Variants in OVCH2 observed in about 807,000 individuals in gnomAD.
OVCH2 encodes the protein ovochymase 2, also known as ovochymase-2.
In OVCH2, 88 loss-of-function variants were observed where a neutral mutation model predicts 73.7. The ratio of observed to expected loss-of-function variants is 1.19; its 90% CI spans 1.01 to 1.43. The LOEUF (loss-of-function observed/expected upper bound fraction) is 1.43, where lower values mean the gene tolerates loss of function less well. Among genes scored for constraint, OVCH2 ranks in the 40% most tolerant of loss-of-function variants. The pLI is 0.00. For synonymous variants in OVCH2, 265 were observed against 234.5 expected (o/e 1.13, Z -1.19); for missense variants, 706 against 674.5 (o/e 1.05, Z -0.52).
rs899399113 is a variant in OVCH2 at position 7,703,614 on chromosome 11, A to G, written c.290+84T>C. ...CAATACTCACCTATCACACAGGTCC[A>G]TGTTTTAATAGGGTTATTGCTGATG... On this transcript the variant is annotated intron_variant, in intron 3 of 15. Coordinates refer to ENST00000533663, the MANE Select transcript of OVCH2 (RefSeq NM_198185.7). 14 of 1,088,252 alleles carry G rather than the reference A, an allele frequency of 1.3e-5. No individual in the cohort carries two copies. In the South Asian group the frequency reaches 1.3e-4, roughly 10 times the overall value. The allele number at this position is 1,088,252 out of a possible 1,614,324, so 67.4% of individuals were successfully genotyped here. A position where few individuals can be genotyped will look rare whatever the true frequency, so the allele number is the denominator to read the frequency against.
At chr11:7,703,653 A>C in intron 3 of OVCH2, 45 bp downstream of exon 3, 2 of 1,437,922 alleles carry the variant, frequency 1.4e-6, no homozygotes, top group Non-Finnish European at 1.9e-6. Flanking sequence ...CCAAGGGAGA[A>C]GAAATGGTGG....
chr11:7,684,884 A>C (rs193072436), downstream of OVCH2, among the ~76,000 whole-genome samples: 1 of 152,152 alleles, frequency 6.6e-6, no homozygotes, highest in Non-Finnish European at 1.5e-5. Context: ...TTAAGGGGGA[A>C]ATTCTGAGAA....
rs534068060 is a variant in OVCH2 at position 7,701,031 on chromosome 11, TG to T, written c.711+292del. Among the ~76,000 whole-genome samples, 257 of 152,268 alleles carry T rather than the reference TG, an allele frequency of 1.7e-3. 1 individual carries two copies. The highest frequency in any genetic ancestry group is 5.8e-3 in the African/African-American group (243 of 41,570). On this transcript the variant is annotated intron_variant, in intron 6 of 15. Transcript: ENST00000533663. Reference sequence around the variant, plus strand: ...CCCTTTATTTTGATGTAACCTCCCTTGGTACTCCTAACCCTTCTTTCCAGAT... The same window carrying T: ...CCCTTTATTTTGATGTAACCTCCCTTGTACTCCTAACCCTTCTTTCCAGAT...
chr11:7,702,253 TG>T lies in OVCH2; in HGVS notation c.366del (p.Thr123LeufsTer24). ...LSQTDPGEQT[L>X]TIETVIIHPH... ...GGATGTATGATGACAGTTTCAATAG[TG>T]AGAGTTTGCTCTCCTGGGTCTGTCT... On this transcript the variant is annotated frameshift_variant, in exon 4 of 16. Transcript: ENST00000533663. LOFTEE classifies it high-confidence loss of function. The T allele has an allele frequency of 6.2e-7, 1 of 1,612,856 alleles. No homozygotes were observed.
In OVCH2 at chr11:7,689,877, C is replaced by T. The variant is rs1178733164; in HGVS notation, c.*31+47G>A. ...ATATCACCTGCTTCTCCGGTTGAACCCTGGATTATACTCTGTGTGTATCAA... is the reference window on the plus strand; with the variant it reads ...ATATCACCTGCTTCTCCGGTTGAACTCTGGATTATACTCTGTGTGTATCAA... On this transcript the variant is annotated intron_variant, in intron 15 of 15. Transcript: ENST00000533663. 5 of 1,172,160 alleles carry T rather than the reference C, an allele frequency of 4.3e-6. No individual in the cohort carries two copies. In the Admixed American group the frequency reaches 7.9e-5, roughly 19 times the overall value. The allele number at this position is 1,172,160 out of a possible 1,614,324, so 72.6% of individuals were successfully genotyped here. A position where few individuals can be genotyped will look rare whatever the true frequency, so the allele number is the denominator to read the frequency against.
the OVCH2 span, among the ~76,000 whole-genome samples, chr11:7,682,909 A>G: frequency 6.6e-6 from 1 of 151,908 alleles, no homozygotes; most frequent in African/African-American, 2.4e-5. Flanking sequence ...TCTAAAGTCT[A>G]CTCCAAAAAG....
chr11:7,679,788 G>A, the OVCH2 span, among the ~76,000 whole-genome samples: 1 of 152,176 alleles, frequency 6.6e-6, no homozygotes, highest in African/African-American at 2.4e-5. Flanking sequence ...CCTCCAGGGA[G>A]GGGAAAGGGA....
intron 12 of OVCH2, among the ~76,000 whole-genome samples, chr11:7,693,097 G>A (rs959366495): frequency 2.6e-5 from 4 of 152,174 alleles, no homozygotes; most frequent in African/African-American, 9.6e-5. Flanking sequence ...GAGCAGTTTG[G>A]TGAGCACTAG....
downstream of OVCH2, among the ~76,000 whole-genome samples, chr11:7,685,870 T>C (rs12271537): frequency 0.28 from 41,906 of 152,022 alleles, 7,664 homozygotes; most frequent in African/African-American, 0.52. Flanking sequence ...TTTTTCAGAT[T>C]ATACTCAGTG....
chr11:7,706,005 G>A (rs1856523185), intron 1 of OVCH2, among the ~76,000 whole-genome samples: 1 of 152,118 alleles, frequency 6.6e-6, no homozygotes, highest in South Asian at 2.1e-4. Flanking sequence ...TATGAACCAA[G>A]ATGGGATTAT....
At chr11:7,700,659 A>G (rs145182434) in intron 6 of OVCH2, among the ~76,000 whole-genome samples, 174 bp from the exon 7 acceptor site, 1 of 152,208 alleles carries the variant, frequency 6.6e-6, no homozygotes, top group African/African-American at 2.4e-5. Context: ...ATGATCCTCA[A>G]CTATCACTGG....
intron 14 of OVCH2, 36 bp downstream of exon 14, chr11:7,691,233 C>T: frequency 6.4e-7 from 1 of 1,567,650 alleles, no homozygotes; most frequent in Non-Finnish European, 8.7e-7. Context: ...AGGATTAGAA[C>T]TGGGAACCAA....
chr11:7,691,828 T>C, intron 13 of OVCH2, 74 bp downstream of exon 13: 1 of 1,137,912 alleles, frequency 8.8e-7, no homozygotes, highest in Non-Finnish European at 1.3e-6. Flanking sequence ...GATTGATCTG[T>C]CTCCTTTTCG....
chr11:7,678,981 A>C, the OVCH2 span, among the ~76,000 whole-genome samples: 1 of 152,236 alleles, frequency 6.6e-6, no homozygotes, highest in African/African-American at 2.4e-5. Flanking sequence ...TTGCTCTCAA[A>C]ACAGTTTCCA....
At chr11:7,697,665 C>A (rs894142436) in intron 8 of OVCH2, among the ~76,000 whole-genome samples, 1 of 152,148 alleles carries the variant, frequency 6.6e-6, no homozygotes, top group African/African-American at 2.4e-5. Flanking sequence ...TCTCTTCCTC[C>A]TTCTTCGTTA....
intron 13 of OVCH2, 117 bp downstream of exon 13, chr11:7,691,785 G>A (rs1412072927): frequency 1.5e-5 from 11 of 732,774 alleles, no homozygotes; most frequent in Non-Finnish European, 2.0e-5. Flanking sequence ...AGACCACAGG[G>A]AGGGGTGGAG....
chr11:7,697,589 T>C, intron 8 of OVCH2, among the ~76,000 whole-genome samples: 1 of 152,178 alleles, frequency 6.6e-6, no homozygotes, highest in Non-Finnish European at 1.5e-5. Context: ...CTGCACCCAC[T>C]TCTGATTTTA....
Position 7,701,717 on chromosome 11 carries a change from T to C in OVCH2, c.558A>G (p.Glu186=), listed in dbSNP as rs1460704158. The C allele has an allele frequency of 6.2e-7, 1 of 1,610,772 alleles. No individual in the cohort carries two copies. The highest frequency in any genetic ancestry group is 1.1e-5 in the South Asian group (1 of 90,114). Residue 186 remains glutamate, a splice_region_variant and synonymous_variant, in exon 5 of 16, where the codon GAA becomes GAG. Transcript: ENST00000533663. ...CTTAGWGRLT[E]GGVLSQVLQE... ...GAGGAATGGCACACAAGTTCTTACC[T>C]TCAGTTAAGCGGCCCCAGCCTGCAG...
chr11:7,695,907 T>C (rs1401041738), intron 10 of OVCH2, among the ~76,000 whole-genome samples, 197 bp from the exon 11 acceptor site: 1 of 152,226 alleles, frequency 6.6e-6, no homozygotes, highest in Non-Finnish European at 1.5e-5. Context: ...GGATATTTGG[T>C]AGCATTTCTG....
Sources: gnomAD v4.1 joint callset for allele counts (sites outside exome capture counted in the v4.1 genomes callset) on GRCh38, gnomAD v4.1.1 for gene constraint, MANE v1.5 for transcripts, NCBI Gene and HGNC (gene_info 2026-07-23, HGNC 2026-07-21) for gene names.